The following SARS2 variants were observed in gnomAD, a reference collection of about 807,000 sequenced individuals.
The protein encoded by SARS2 is serine--tRNA ligase, mitochondrial.
A neutral mutation model predicts 66.8 loss-of-function variants in SARS2; 52 were observed. The observed-to-expected ratio is 0.78, with a 90% confidence interval of 0.62 to 0.98. SARS2 has a LOEUF of 0.98. SARS2 is among the 50% of genes least tolerant of loss of function. The pLI is 0.00. For synonymous variants in SARS2, 306 were observed against 281.4 expected (o/e 1.09, Z -0.87); for missense variants, 673 against 706.3 (o/e 0.95, Z 0.53).
In SARS2 at chr19:38,930,759, A is replaced by G. The variant is rs373290762; in HGVS notation, c.-23T>C. 197 of 1,609,682 alleles carry G rather than the reference A, an allele frequency of 1.2e-4. No individual in the cohort carries two copies. In the African/African-American group the frequency reaches 2.1e-3, roughly 17 times the overall value. ...CATCTTGGACCGGGAACAAGGCGGCACTTCGTCCCGCCCACTCCGCGTTTA... is the reference window on the plus strand; with the variant it reads ...CATCTTGGACCGGGAACAAGGCGGCGCTTCGTCCCGCCCACTCCGCGTTTA... On this transcript the variant is annotated 5_prime_UTR_variant, in exon 1 of 16. Transcript: ENST00000221431.
Position 38,930,558 on chromosome 19 carries a change from A to AT in SARS2, c.178dup (p.Ile60AsnfsTer56), listed in dbSNP as rs751663238. On this transcript the variant is annotated frameshift_variant, in exon 1 of 16. Transcript: ENST00000221431. LOFTEE classifies it high-confidence loss of function. ...TTCTGGGCATGCGCAGAACCGCTCT[A>AT]TGTCCAGCTGAGGGAGTGCGCTGTA... The AT allele has an allele frequency of 1.2e-6, 2 of 1,613,870 alleles. No homozygotes were observed. Among genetic ancestry groups the AT allele is most frequent in the Non-Finnish European group, 1.7e-6 (2 of 1,180,014 alleles).
At chr19:38,926,390 A>C in intron 1 of SARS2, 90 bp from the exon 2 acceptor site, 1 of 1,172,318 alleles carries the variant, frequency 8.5e-7, no homozygotes, top group Non-Finnish European at 1.2e-6. Context: ...CCTGCGGCGC[A>C]GTGAGGCAGA....
At chr19:38,920,241 C>G in intron 5 of SARS2, 92 bp from the exon 6 acceptor site, 3 of 995,654 alleles carry the variant, frequency 3.0e-6, no homozygotes, top group Non-Finnish European at 4.6e-6. Context: ...AGAGGAGGGA[C>G]GGTGAGAGAA....
At chr19:38,916,180 T>G in intron 13 of SARS2, 41 bp downstream of exon 13, 1 of 1,611,098 alleles carries the variant, frequency 6.2e-7, no homozygotes, top group Non-Finnish European at 8.5e-7. Context: ...GGGGCAGGCC[T>G]GTCCTCCTGC....
Position 38,926,232 on chromosome 19 carries a change from A to C in SARS2, c.336T>G (p.Ala112=), listed in dbSNP as rs570109781. The change falls in exon 2 of 16, where the codon GCT becomes GCG. Residue 112 remains alanine (A), a synonymous_variant. Coordinates refer to ENST00000221431, the MANE Select transcript of SARS2 (RefSeq NM_017827.4). ...QIRSLEEEKA[A]VTEAVRALLA... ...GCAGGGCCCGCACTGCCTCAGTCAC[A>C]GCTGCCTTCTCTTCCTCCAGGCTCC... is the stretch of plus-strand genomic sequence containing the variant. The C allele has an allele frequency of 1.2e-5, 20 of 1,606,830 alleles. No individual in the cohort carries two copies. The South Asian group carries it at 2.0e-4, about 16-fold the overall frequency.
intron 2 of SARS2, 81 bp from the exon 3 acceptor site, chr19:38,922,348 A>G (rs1974552825): frequency 1.5e-6 from 2 of 1,356,842 alleles, no homozygotes; most frequent in Non-Finnish European, 2.1e-6. Context: ...AAGGTCAAAC[A>G]AGGCCAGAGG....
intron 3 of SARS2, 131 bp from the exon 4 acceptor site, chr19:38,921,798 C>T (rs1007587073): frequency 1.3e-5 from 19 of 1,416,068 alleles, no homozygotes; most frequent in Middle Eastern, 2.2e-4. Context: ...GGATCCTGAA[C>T]GTCTTCGCAG....
chr19:38,918,504 G>A lies in SARS2; in HGVS notation c.834C>T (p.Ala278=). ...VFEGCGMTPN[A]NPSQIYNIDP... is the part of the protein sequence containing the mutation. ...CGATGTTGTAAATTTGGGATGGGTT[G>A]GCATTTGGTGTCATCCCACAGCCTT... The change falls in exon 9 of 16, where the codon GCC becomes GCT. Residue 278 remains alanine, a synonymous_variant. Coordinates refer to ENST00000221431, the MANE Select transcript of SARS2 (RefSeq NM_017827.4). 1.2e-6 allele frequency: 2 copies of A among 1,614,154 alleles called. No homozygotes were observed. Among genetic ancestry groups the A allele is most frequent in the Non-Finnish European group, 8.5e-7 (1 of 1,179,978 alleles).
At chr19:38,928,415 G>GCC (rs57463198) in intron 1 of SARS2, 9 of 116,696 alleles carry the variant, frequency 7.7e-5, no homozygotes, top group Non-Finnish European at 1.1e-4. Flanking sequence ...CACACCCCTG[G>GCC]CCCCCCCCCC....
intron 3 of SARS2, 151 bp from the exon 4 acceptor site, chr19:38,921,818 T>A: frequency 7.5e-7 from 1 of 1,328,732 alleles, no homozygotes; most frequent in Non-Finnish European, 1.0e-6. Flanking sequence ...GAACTTCCCT[T>A]ACCACCACAT....
At position 38,915,699 on chromosome 19, in the gene SARS2, A is replaced by G; in HGVS notation, c.1464T>C (p.Asp488=). The G allele has an allele frequency of 6.2e-7, 1 of 1,613,222 alleles. No homozygotes were observed. Among genetic ancestry groups the G allele is most frequent in the South Asian group, 1.1e-5 (1 of 91,058 alleles). ...PPALQSYLGT[D]RITAPTHVPL... is the part of the protein sequence containing the mutation. ...GCACGTGGGTAGGGGCTGTGATCCG[A>G]TCAGTGCCGAGGTAGGACTGGAGGG... Residue 488 remains aspartate (D), a synonymous_variant, in exon 16 of 16, where the codon GAT becomes GAC. Coordinates refer to ENST00000221431, the MANE Select transcript of SARS2 (RefSeq NM_017827.4).
chr19:38,922,075 GC>G (rs1568426438), intron 3 of SARS2, 162 bp downstream of exon 3: 1 of 1,581,588 alleles, frequency 6.3e-7, no homozygotes, highest in East Asian at 2.3e-5. Flanking sequence ...GGATCCAGCC[GC>G]ACCTGAAGCC....
Position 38,916,361 on chromosome 19 carries a change from G to A in SARS2, c.1161-47C>T, listed in dbSNP as rs756727425. 6 of 1,532,532 alleles carry A rather than the reference G, an allele frequency of 3.9e-6. No homozygotes were observed. In the South Asian group the frequency reaches 6.7e-5, roughly 17 times the overall value. 94.9% of individuals were successfully genotyped at this position (1,532,532 alleles called of 1,614,324 possible). On this transcript the variant is annotated intron_variant, in intron 12 of 15. Coordinates refer to ENST00000221431, the MANE Select transcript of SARS2 (RefSeq NM_017827.4). Reference sequence around the variant, plus strand: ...TGGGGAAGGTCAGCGGGTGAGAGGAGGAGCAAGAGGAACAAATGGAAACGA... The same window carrying A: ...TGGGGAAGGTCAGCGGGTGAGAGGAAGAGCAAGAGGAACAAATGGAAACGA...
intron 1 of SARS2, among the ~76,000 whole-genome samples, chr19:38,929,859 C>T (rs1974699423): frequency 6.6e-6 from 1 of 152,180 alleles, no homozygotes; most frequent in Non-Finnish European, 1.5e-5. Flanking sequence ...TATTGTGAAC[C>T]CGGTCCTAAT....
chr19:38,918,204 A>G, intron 9 of SARS2, 65 bp from the exon 10 acceptor site: 1 of 1,515,368 alleles, frequency 6.6e-7, no homozygotes, highest in Non-Finnish European at 9.0e-7. Flanking sequence ...TTGGAAGATT[A>G]AGAGGCACTC....
intron 2 of SARS2, among the ~76,000 whole-genome samples, chr19:38,924,969 G>A (rs1318237918): frequency 6.6e-6 from 1 of 152,150 alleles, no homozygotes; most frequent in African/African-American, 2.4e-5. Context: ...TTGTTTTTAT[G>A]ATTGTTTTTA....
Position 38,930,509 on chromosome 19 carries a change from G to A in SARS2, c.228C>T (p.Leu76=), listed in dbSNP as rs780035635. Residue 76 remains leucine, a synonymous_variant, in exon 1 of 16, where the codon CTC becomes CTT. Transcript: ENST00000221431. Reference sequence around the variant, plus strand: ...CCGCCGAGCGCAGCTCCCCCTTGCGGAGCTCCAGGGCGTGTGCGGCCTCTT... The same window carrying A: ...CCGCCGAGCGCAGCTCCCCCTTGCGAAGCTCCAGGGCGTGTGCGGCCTCTT... The part of the protein sequence containing the change: ...CPEEAAHALE[L]RKGELRSADL... 2.3e-5 allele frequency: 37 copies of A among 1,610,214 alleles called. No homozygotes were observed. In the East Asian group the frequency reaches 7.4e-4, roughly 32 times the overall value.
chr19:38,920,071 A>AG lies in SARS2; in HGVS notation c.653+14dup. On this transcript the variant is annotated intron_variant, in intron 6 of 15. Coordinates refer to ENST00000221431, the MANE Select transcript of SARS2 (RefSeq NM_017827.4). ...AGCTGGGAGAGGGGCGTGGGGAGCC[A>AG]GGGGAGGGGCTCACTTCTGACGGAT... The AG allele has an allele frequency of 1.3e-6, 2 of 1,556,702 alleles. No individual in the cohort carries two copies. The highest frequency in any genetic ancestry group is 1.7e-6 in the Non-Finnish European group (2 of 1,149,142).
intron 12 of SARS2, among the ~76,000 whole-genome samples, chr19:38,917,100 C>A (rs1023579032): frequency 1.3e-5 from 2 of 149,260 alleles, no homozygotes; most frequent in African/African-American, 5.0e-5. Context: ...GTAGCTGGGA[C>A]CACAGGTGTG....
Sources: allele counts gnomAD v4.1 joint callset (sites outside exome capture counted in the v4.1 genomes callset), GRCh38; gene constraint gnomAD v4.1.1; transcripts MANE v1.5; gene names NCBI Gene and HGNC (gene_info 2026-07-23, HGNC 2026-07-21).